The following MCCC1 variants were observed in gnomAD, a reference collection of about 807,000 sequenced individuals.
The protein encoded by MCCC1 is methylcrotonoyl-CoA carboxylase subunit alpha, mitochondrial.
In MCCC1, 64 loss-of-function variants were observed where a neutral mutation model predicts 83.8. The ratio of observed to expected loss-of-function variants is 0.76; its 90% confidence interval spans 0.62 to 0.94. The LOEUF (loss-of-function observed/expected upper bound fraction) is 0.94. MCCC1 is among the 40% of genes least tolerant of loss of function. The pLI, the probability that MCCC1 is intolerant of heterozygous loss-of-function variation, is 0.00. For missense variants in MCCC1, 807 were observed against 904.7 expected, an observed-to-expected ratio of 0.89 and a Z score of 1.39; for synonymous variants, 322 against 315.4, an observed-to-expected ratio of 1.02 and a Z score of -0.22.
rs1712559634 is a variant in MCCC1, at chr3:183,025,891, C to G, written c.1682-87G>C. The stretch of plus-strand genomic sequence containing the variant: ...AGATATAAAGAATCTCACTCTCAAC[C>G]TAAAGACAACCAACTATTCAAAGGA... On this transcript the variant is annotated intron_variant, in intron 14 of 18. Transcript: ENST00000265594. The G allele has an allele frequency of 1.7e-5, 20 of 1,145,628 alleles. No homozygotes were observed. In the South Asian group the frequency reaches 2.4e-4, roughly 14 times the overall value. 71.0% of individuals were successfully genotyped at this position (1,145,628 alleles called of 1,614,324 possible). A position where few individuals can be genotyped will look rare whatever the true frequency, so the allele number is the denominator to read the frequency against.
intron 15 of MCCC1, among the ~76,000 whole-genome samples, chr3:183,025,158 AGT>A (rs1375966390): frequency 6.6e-6 from 1 of 152,184 alleles, no homozygotes; most frequent in African/African-American, 2.4e-5. Flanking sequence ...GAAGGAACGG[AGT>A]GTTAACTGTT....
intron 8 of MCCC1, 148 bp downstream of exon 8, chr3:183,057,163 G>C: frequency 2.9e-6 from 2 of 694,548 alleles, no homozygotes; most frequent in Admixed American, 2.1e-5. Flanking sequence ...TACCACAGGA[G>C]GTCTTTTCAC....
chr3:183,026,644 A>C (rs564330299), intron 14 of MCCC1, among the ~76,000 whole-genome samples: 1 of 152,238 alleles, frequency 6.6e-6, no homozygotes, highest in African/African-American at 2.4e-5. Context: ...TGCGAGGTGG[A>C]GGTTGCAGTG....
chr3:183,058,666 A>T (rs1282265863), intron 7 of MCCC1, among the ~76,000 whole-genome samples: 1 of 152,144 alleles, frequency 6.6e-6, no homozygotes. Flanking sequence ...AGGTAATTAC[A>T]TGTTGATTAT....
chr3:183,030,411 C>T (rs1016306628), intron 14 of MCCC1, among the ~76,000 whole-genome samples: 6 of 152,186 alleles, frequency 3.9e-5, no homozygotes, highest in African/African-American at 1.4e-4. Context: ...TCCTTCACTA[C>T]GCTGCTGGTG....
rs781642574 is a variant in MCCC1 at position 183,022,521 on chromosome 3, G to A, written c.1765C>T (p.Leu589Phe). ...TAAGTGCAGTCTCCCTCGCTGTAAA[G>A]ATTACCAAGGACTTGGAAAGTTTTA... The part of the protein sequence containing the change: ...EDKTFQVLGN[L>F]YSEGDCTYLK... The change falls in exon 16 of 19, where the codon CTT (leucine) becomes TTT (phenylalanine). Residue 589 changes from leucine (L) to phenylalanine (F), a missense_variant. Physicochemically the swap from Leu to Phe is conservative, Grantham distance 22. Coordinates refer to ENST00000265594, the MANE Select transcript of MCCC1 (RefSeq NM_020166.5). 6.8e-6 allele frequency: 11 copies of A among 1,613,680 alleles called. No individual in the cohort carries two copies. The South Asian group carries it at 1.2e-4, about 18-fold the overall frequency.
In MCCC1 at chr3:183,036,552, T is replaced by G. The variant is rs1356554637; in HGVS notation, c.1594+666A>C. On this transcript the variant is annotated intron_variant, in intron 13 of 18. Transcript: ENST00000265594. ...GATCCATTTCCTTTTTTTTTTTTTTTTTTTTTAGATGAACTCTCGCCCTGT... is the reference window on the plus strand; with the variant it reads ...GATCCATTTCCTTTTTTTTTTTTTTGTTTTTTAGATGAACTCTCGCCCTGT... Among the ~76,000 whole-genome samples, 4 of 150,130 alleles carry G rather than the reference T, an allele frequency of 2.7e-5. No individual in the cohort carries two copies. The East Asian group carries it at 7.8e-4, about 29-fold the overall frequency.
intron 8 of MCCC1, among the ~76,000 whole-genome samples, chr3:183,052,809 CAAAAAAAAAAA>C (rs71185624): frequency 7.5e-5 from 5 of 66,628 alleles, no homozygotes; most frequent in Admixed American, 2.6e-4. Context: ...GACTTTGTCT[CAAAAAAAAAAA>C]AAAAAAAAAA....
intron 9 of MCCC1, among the ~76,000 whole-genome samples, 186 bp from the exon 10 acceptor site, chr3:183,045,726 T>A (rs969551369): frequency 1.3e-5 from 2 of 152,198 alleles, no homozygotes; most frequent in African/African-American, 4.8e-5. Context: ...GAGAGCTGCA[T>A]GAAATTTGGC....
At chr3:183,115,273 C>T (rs369924145) in intron 1 of MCCC1, among the ~76,000 whole-genome samples, 7 of 152,196 alleles carry the variant, frequency 4.6e-5, no homozygotes, top group East Asian at 1.9e-4. Context: ...CAGGCATCTC[C>T]GCTTTGCTTA....
chr3:183,068,143 T>C (rs1006359293), intron 7 of MCCC1, among the ~76,000 whole-genome samples: 18 of 152,286 alleles, frequency 1.2e-4, no homozygotes, highest in Admixed American at 8.5e-4. Flanking sequence ...TCAGAGGCAT[T>C]TGAACCAGAG....
At chr3:183,101,731 G>A (rs758728060), upstream of MCCC1, among the ~76,000 whole-genome samples, 2 of 152,150 alleles carry the variant, frequency 1.3e-5, no homozygotes, top group Non-Finnish European at 2.9e-5. Context: ...TGGAAGCTTT[G>A]TTCTTTCGCT....
At chr3:183,114,469 C>G (rs1255793207) in intron 1 of MCCC1, among the ~76,000 whole-genome samples, 1 of 152,098 alleles carries the variant, frequency 6.6e-6, no homozygotes, top group East Asian at 1.9e-4. Flanking sequence ...GATGCTGTCT[C>G]CAGGCAGTGT....
At chr3:183,101,256 C>T (rs1490956367), upstream of MCCC1, among the ~76,000 whole-genome samples, 1 of 152,242 alleles carries the variant, frequency 6.6e-6, no homozygotes, top group African/African-American at 2.4e-5. Flanking sequence ...CCAGTCCCAT[C>T]GACCACCCAA....
Position 183,072,299 on chromosome 3 carries a change from C to T in MCCC1, c.491+67G>A, listed in dbSNP as rs544468924. The stretch of plus-strand genomic sequence containing the variant: ...AACACTGGTATTACAGGCATAGCCA[C>T]ATGCCTGGCCCAAACTATTTCAACT... On this transcript the variant is annotated intron_variant, in intron 5 of 18. Coordinates refer to ENST00000265594, the MANE Select transcript of MCCC1 (RefSeq NM_020166.5). 125 of 1,572,992 alleles carry T rather than the reference C, an allele frequency of 7.9e-5. 1 individual carries two copies. In the African/African-American group the frequency reaches 1.4e-3, roughly 18 times the overall value.
At chr3:183,044,891 T>C (rs1470027449) in intron 10 of MCCC1, among the ~76,000 whole-genome samples, 1 of 140,286 alleles carries the variant, frequency 7.1e-6, no homozygotes, top group Non-Finnish European at 1.5e-5. Context: ...GGTAGTAACC[T>C]ATTCTCAAGA....
At chr3:183,051,959 C>T (rs971674538) in intron 9 of MCCC1, among the ~76,000 whole-genome samples, 200 bp downstream of exon 9, 5 of 152,080 alleles carry the variant, frequency 3.3e-5, no homozygotes, top group Non-Finnish European at 7.4e-5. Context: ...TTTAATGAAA[C>T]ATTTGTTTCA....
intron 4 of MCCC1, among the ~76,000 whole-genome samples, chr3:183,075,937 T>C (rs1234244266): frequency 3.9e-5 from 6 of 152,216 alleles, no homozygotes; most frequent in Non-Finnish European, 8.8e-5. Flanking sequence ...GATGCAAACT[T>C]TGCAAATATT....
chr3:183,038,972 C>T (rs1299074671), intron 12 of MCCC1, 54 bp downstream of exon 12: 14 of 1,508,026 alleles, frequency 9.3e-6, no homozygotes, highest in Non-Finnish European at 1.3e-5. Flanking sequence ...AAAGGCTGAC[C>T]TCTGGTGCTG....
Sources: gnomAD v4.1 joint callset for allele counts (sites outside exome capture counted in the v4.1 genomes callset) on GRCh38, gnomAD v4.1.1 for gene constraint, MANE v1.5 for transcripts, NCBI Gene and HGNC (gene_info 2026-07-23, HGNC 2026-07-21) for gene names.